The following SCUBE1 variants were observed in gnomAD, a reference collection of about 807,000 sequenced individuals.
SCUBE1 encodes the protein signal peptide, CUB and EGF-like domain-containing protein 1.
A neutral mutation model predicts 124.4 loss-of-function variants in SCUBE1; 59 were observed. That is an observed-to-expected ratio of 0.47 (90% CI 0.38 to 0.59). The LOEUF (loss-of-function observed/expected upper bound fraction) is 0.59. SCUBE1 is among the 20% of genes least tolerant of loss of function. The pLI is 0.00. For synonymous variants in SCUBE1, 545 were observed against 550.9 expected, an observed-to-expected ratio of 0.99 and a Z score of 0.15; for missense variants, 1,150 against 1,371.2, an observed-to-expected ratio of 0.84 and a Z score of 2.55.
rs1379647349 is a variant in SCUBE1 at position 43,281,518 on chromosome 22, ACCCTCCTGTCACCTCCCTCAGTC to A, written c.484+9505_484+9527del. Among the ~76,000 whole-genome samples, 4 of 50,848 alleles carry A rather than the reference ACCCTCCTGTCACCTCCCTCAGTC, an allele frequency of 7.9e-5. 1 individual carries two copies. The highest frequency in any genetic ancestry group is 3.5e-4 in the African/African-American group (4 of 11,282). The allele number at this position is 50,848 out of a possible 152,430, so 33.4% of individuals were successfully genotyped here. ...CCCTCCTGTCACCTCCTCCTCAGCC[ACCCTCCTGTCACCTCCCTCAGTC>A]ACCCTCCTGTCACCTCCCCCTCAGC... is the stretch of plus-strand genomic sequence containing the variant. On this transcript the variant is annotated intron_variant, in intron 4 of 21. Coordinates refer to ENST00000360835, the MANE Select transcript of SCUBE1 (RefSeq NM_173050.5).
At chr22:43,309,100 G>A (rs1926082556) in intron 3 of SCUBE1, among the ~76,000 whole-genome samples, 2 of 152,022 alleles carry the variant, frequency 1.3e-5, no homozygotes, top group Non-Finnish European at 2.9e-5. Context: ...CTTCCCACAC[G>A]GCCCAGGCCC....
chr22:43,292,635 T>C (rs534894402), intron 3 of SCUBE1, among the ~76,000 whole-genome samples: 5 of 151,266 alleles, frequency 3.3e-5, no homozygotes, highest in Admixed American at 6.6e-5. Flanking sequence ...CTTTTTAACA[T>C]AGACATCTTT....
intron 2 of SCUBE1, among the ~76,000 whole-genome samples, chr22:43,324,591 C>T (rs6519368): frequency 0.49 from 73,978 of 151,930 alleles, 18,338 homozygotes; most frequent in African/African-American, 0.53. Context: ...AAGAGATAAA[C>T]ACACAAACAA....
intron 3 of SCUBE1, among the ~76,000 whole-genome samples, chr22:43,302,285 T>C (rs145389031): frequency 6.6e-6 from 1 of 152,238 alleles, no homozygotes; most frequent in Non-Finnish European, 1.5e-5. Flanking sequence ...CGTCTCCTCC[T>C]GCTTTGTCGG....
At chr22:43,219,719 C>T (rs192129030) in intron 14 of SCUBE1, among the ~76,000 whole-genome samples, 1 of 152,250 alleles carries the variant, frequency 6.6e-6, no homozygotes, top group African/African-American at 2.4e-5. Flanking sequence ...AGTGATCCAC[C>T]CACTTTGGCC....
chr22:43,235,345 G>A (rs887283802), intron 7 of SCUBE1, among the ~76,000 whole-genome samples: 1 of 152,064 alleles, frequency 6.6e-6, no homozygotes, highest in Non-Finnish European at 1.5e-5. Flanking sequence ...CCCATCTCAC[G>A]TGGGGGACCA....
chr22:43,319,916 G>C (rs753051686), intron 3 of SCUBE1, 21 bp downstream of exon 3: 1 of 1,613,446 alleles, frequency 6.2e-7, no homozygotes, highest in Admixed American at 1.7e-5. Flanking sequence ...CCAGAGGGTA[G>C]GCTACAGCTG....
chr22:43,217,825 G>A (rs539491595), intron 15 of SCUBE1, among the ~76,000 whole-genome samples: 5 of 152,258 alleles, frequency 3.3e-5, no homozygotes, highest in South Asian at 2.1e-4. Context: ...CCTCCTGGGC[G>A]GCCCTAGGCC....
At chr22:43,264,584 G>C (rs1923992368) in intron 4 of SCUBE1, among the ~76,000 whole-genome samples, 1 of 152,200 alleles carries the variant, frequency 6.6e-6, no homozygotes, top group Non-Finnish European at 1.5e-5. Flanking sequence ...CCAGTGGGTG[G>C]TGGCCAGCAA....
chr22:43,255,667 GCACGCAAAGCCAACACAA>G lies in SCUBE1; in HGVS notation c.727+2534_727+2551del. 1 of 1,129,320 alleles carries G rather than the reference GCACGCAAAGCCAACACAA, an allele frequency of 8.9e-7. No homozygotes were observed. The highest frequency in any genetic ancestry group is 1.3e-6 in the Non-Finnish European group (1 of 770,802). 70.0% of individuals were successfully genotyped at this position (1,129,320 alleles called of 1,614,324 possible). The stretch of plus-strand genomic sequence containing the variant: ...AAGACAGTCAGCCTCTCGGCGTGGC[GCACGCAAAGCCAACACAA>G]CACGCCGGCCAGCTCGGCATCCTCG... On this transcript the variant is annotated intron_variant, in intron 6 of 21. Transcript: ENST00000360835. The surrounding 1 kb of genome is among the most constrained non-coding windows in gnomAD (Gnocchi z 4.7).
At chr22:43,281,606 A>ACCTCCCTTCTCAGCCAC (rs1924911572) in intron 4 of SCUBE1, among the ~76,000 whole-genome samples, 1 of 132,676 alleles carries the variant, frequency 7.5e-6, no homozygotes, top group Non-Finnish European at 1.6e-5. Flanking sequence ...CCCTCCTGTC[A>ACCTCCCTTCTCAGCCAC]CCTCCTCCTC....
chr22:43,297,050 G>C (rs1261610965), intron 3 of SCUBE1, among the ~76,000 whole-genome samples: 1 of 152,210 alleles, frequency 6.6e-6, no homozygotes, highest in Non-Finnish European at 1.5e-5. Context: ...ACAAAAGAGG[G>C]GCCTCACTGG....
chr22:43,335,093 C>T (rs1340252785), intron 2 of SCUBE1, among the ~76,000 whole-genome samples: 1 of 152,196 alleles, frequency 6.6e-6, no homozygotes, highest in South Asian at 2.1e-4. Flanking sequence ...CTAGTCCCCA[C>T]CCAGGAAAGA....
chr22:43,250,067 G>A lies in SCUBE1; in HGVS notation c.727+8152C>T, dbSNP rs573861353. On this transcript the variant is annotated intron_variant, in intron 6 of 21. Coordinates refer to ENST00000360835, the MANE Select transcript of SCUBE1 (RefSeq NM_173050.5). Reference sequence around the variant, plus strand: ...TAGTCACTCATTTCATCCTCAAATCGATAGGAAGTACACGCTATCACGATC... The same window carrying A: ...TAGTCACTCATTTCATCCTCAAATCAATAGGAAGTACACGCTATCACGATC... Among the ~76,000 whole-genome samples, 5 of 152,342 alleles carry A rather than the reference G, an allele frequency of 3.3e-5. No individual in the cohort carries two copies. The East Asian group carries it at 7.7e-4, about 23-fold the overall frequency.
chr22:43,246,435 G>A (rs1389016182), intron 6 of SCUBE1, among the ~76,000 whole-genome samples: 1 of 152,224 alleles, frequency 6.6e-6, no homozygotes, highest in Non-Finnish European at 1.5e-5. Flanking sequence ...CTCCAGCTGT[G>A]TGTGCCCAGG....
intron 10 of SCUBE1, among the ~76,000 whole-genome samples, chr22:43,226,824 G>A (rs112635831): frequency 5.3e-5 from 8 of 152,138 alleles, no homozygotes; most frequent in Non-Finnish European, 8.8e-5. Flanking sequence ...GCAGGGGCCC[G>A]TCCAGAACTC....
At chr22:43,205,998 T>C (rs1465770869) in intron 21 of SCUBE1, among the ~76,000 whole-genome samples, 3 of 62,122 alleles carry the variant, frequency 4.8e-5, no homozygotes, top group Non-Finnish European at 8.9e-5. Flanking sequence ...CCCCCACTCA[T>C]CACACACCCT....
At chr22:43,213,928 C>T (rs1465948433) in intron 16 of SCUBE1, among the ~76,000 whole-genome samples, 162 bp downstream of exon 16, 3 of 152,196 alleles carry the variant, frequency 2.0e-5, no homozygotes, top group Non-Finnish European at 2.9e-5. Flanking sequence ...GATGACTGCA[C>T]AGACATCGTG....
intron 3 of SCUBE1, among the ~76,000 whole-genome samples, chr22:43,311,188 A>AT (rs1056282119): frequency 2.6e-5 from 4 of 151,942 alleles, no homozygotes; most frequent in African/African-American, 9.7e-5. Context: ...TTGTTTTATT[A>AT]TTTTTTTCAG....
Sources: allele counts gnomAD v4.1 joint callset (sites outside exome capture counted in the v4.1 genomes callset), GRCh38; gene constraint gnomAD v4.1.1; non-coding constraint Gnocchi (gnomAD v3.1); transcripts MANE v1.5; gene names NCBI Gene and HGNC (gene_info 2026-07-23, HGNC 2026-07-21).